The following COL26A1 variants were observed in gnomAD, a reference collection of about 807,000 sequenced individuals.
COL26A1 encodes the protein collagen alpha-1(XXVI) chain.
A neutral mutation model predicts 59.3 loss-of-function variants in COL26A1; 41 were observed. The observed-to-expected ratio is 0.69, with a 90% CI of 0.54 to 0.90. COL26A1 has a LOEUF of 0.90. Ranked by LOEUF, COL26A1 falls within the 40% of genes least tolerant of loss-of-function variation. The pLI is 0.00. For synonymous variants in COL26A1, 266 were observed against 256.0 expected (o/e 1.04, Z -0.37); for missense variants, 612 against 602.3 (o/e 1.02, Z -0.17).
intron 3 of COL26A1, among the ~76,000 whole-genome samples, chr7:101,502,405 CG>C (rs1794724730): frequency 6.6e-6 from 1 of 152,212 alleles, no homozygotes; most frequent in Non-Finnish European, 1.5e-5. Flanking sequence ...AAAATACACA[CG>C]GAATATATTG....
intron 3 of COL26A1, among the ~76,000 whole-genome samples, chr7:101,489,662 T>TA (rs1261017743): frequency 1.9e-5 from 1 of 53,726 alleles, no homozygotes; most frequent in African/African-American, 2.0e-4. Flanking sequence ...TCTTTCTTTC[T>TA]TCCTTCCTTC....
At chr7:101,429,787 A>G (rs2130312436) in intron 2 of COL26A1, among the ~76,000 whole-genome samples, 1 of 151,760 alleles carries the variant, frequency 6.6e-6, no homozygotes, top group East Asian at 1.9e-4. Context: ...TTGTAGAGAT[A>G]GGATCTTGCT....
chr7:101,434,067 TCCC>T (rs1792846745), intron 2 of COL26A1, among the ~76,000 whole-genome samples: 8 of 49,468 alleles, frequency 1.6e-4, no homozygotes, highest in Admixed American at 2.5e-4. Context: ...CCTCCCTCCC[TCCC>T]TCCCTCCCTC....
intron 3 of COL26A1, among the ~76,000 whole-genome samples, chr7:101,487,718 C>T (rs902295669): frequency 3.3e-5 from 5 of 152,162 alleles, no homozygotes; most frequent in African/African-American, 1.2e-4. Flanking sequence ...CCAGCCAGCC[C>T]TGTGGTTGGC....
At chr7:101,527,284 TA>T (rs1795267673) in intron 3 of COL26A1, among the ~76,000 whole-genome samples, 1 of 152,120 alleles carries the variant, frequency 6.6e-6, no homozygotes. Flanking sequence ...TCTCTCTCTC[TA>T]TGTCTCTGTC....
At position 101,447,729 on chromosome 7, in the gene COL26A1, G is replaced by A. The variant is rs375184069; in HGVS notation, c.327G>A (p.Thr109=). The A allele has an allele frequency of 4.4e-5, 71 of 1,607,120 alleles. No individual in the cohort carries two copies. Among genetic ancestry groups the A allele is most frequent in the Non-Finnish European group, 5.0e-5 (59 of 1,177,020 alleles). ...IRPTYRVSYR[T]VTVLEWRCCP... ...CCACCTACAGAGTGTCCTACCGCAC[G>A]GTGACGGTGCTGGAGTGGAGATGCT... The change falls in exon 3 of 13, where the codon ACG becomes ACA. Residue 109 remains threonine (T), a synonymous_variant. Transcript: ENST00000313669.
intron 3 of COL26A1, among the ~76,000 whole-genome samples, chr7:101,462,426 C>T (rs1793638021): frequency 6.6e-6 from 1 of 152,132 alleles, no homozygotes; most frequent in South Asian, 2.1e-4. Flanking sequence ...AAGCAATTCT[C>T]CTGCCTCAGC....
At chr7:101,466,961 C>T (rs376946585) in intron 3 of COL26A1, among the ~76,000 whole-genome samples, 63 of 151,980 alleles carry the variant, frequency 4.1e-4, no homozygotes, top group African/African-American at 1.4e-3. Flanking sequence ...TTGCTGCCAG[C>T]GCTGGGAGCC....
chr7:101,378,397 C>T (rs895975538), intron 1 of COL26A1, among the ~76,000 whole-genome samples: 1 of 152,134 alleles, frequency 6.6e-6, no homozygotes, highest in Non-Finnish European at 1.5e-5. Flanking sequence ...CCACTTTTAT[C>T]ATATACTAAA....
intron 1 of COL26A1, among the ~76,000 whole-genome samples, chr7:101,382,911 G>A (rs1791480045): frequency 6.6e-6 from 1 of 152,134 alleles, no homozygotes; most frequent in Admixed American, 6.5e-5. Context: ...GCGTGGTGAT[G>A]TATGCCTGTA....
At chr7:101,419,551 T>C (rs1792461961) in intron 1 of COL26A1, among the ~76,000 whole-genome samples, 1 of 152,050 alleles carries the variant, frequency 6.6e-6, no homozygotes, top group African/African-American at 2.4e-5. Context: ...GGTTGGTCGG[T>C]TGGCTAACTT....
chr7:101,545,242 C>T (rs1795707846), intron 6 of COL26A1, 96 bp from the exon 7 acceptor site: 1 of 1,198,350 alleles, frequency 8.3e-7, no homozygotes, highest in Non-Finnish European at 1.1e-6. Context: ...CCCTGACCAA[C>T]CCTGTTTCTT....
At chr7:101,544,981 G>A (rs1795700007) in intron 6 of COL26A1, among the ~76,000 whole-genome samples, 1 of 152,176 alleles carries the variant, frequency 6.6e-6, no homozygotes, top group Non-Finnish European at 1.5e-5. Context: ...GGTTCAGCAG[G>A]TACAGGGCCA....
At chr7:101,391,622 C>T (rs1047540196) in intron 1 of COL26A1, among the ~76,000 whole-genome samples, 6 of 152,200 alleles carry the variant, frequency 3.9e-5, no homozygotes, top group East Asian at 1.9e-4. Context: ...TGCAGTGGCA[C>T]GATCTCAGCT....
intron 1 of COL26A1, among the ~76,000 whole-genome samples, chr7:101,393,564 C>T (rs1002798414): frequency 6.6e-6 from 1 of 152,186 alleles, no homozygotes; most frequent in African/African-American, 2.4e-5. Context: ...AACATCTTCA[C>T]AGACACACCC....
In COL26A1 at chr7:101,558,806, G is replaced by A. The variant is rs1042864614; in HGVS notation, c.*1276G>A. ...GAATTGAAGGTGCTGGCGCCACCCT[G>A]GGGCACTCTGTCTTCACAGCAGGAG... On this transcript the variant is annotated 3_prime_UTR_variant, in exon 13 of 13. Coordinates refer to ENST00000313669, the MANE Select transcript of COL26A1 (RefSeq NM_001278563.3). 2 of 152,260 alleles carry A rather than the reference G, an allele frequency of 1.3e-5. No homozygotes were observed. Among genetic ancestry groups the A allele is most frequent in the African/African-American group, 4.8e-5 (2 of 41,434 alleles). The allele number at this position is 152,260 out of a possible 1,614,324, so 9.4% of individuals were successfully genotyped here. A position where few individuals can be genotyped will look rare whatever the true frequency, so the allele number is the denominator to read the frequency against.
chr7:101,479,026 T>G (rs919471480), intron 3 of COL26A1, among the ~76,000 whole-genome samples: 3 of 152,240 alleles, frequency 2.0e-5, no homozygotes, highest in Non-Finnish European at 4.4e-5. Context: ...AACAGATATA[T>G]TGCTTCTGCT....
intron 2 of COL26A1, among the ~76,000 whole-genome samples, chr7:101,422,311 C>CA (rs112095038): frequency 0.3 from 17,447 of 58,914 alleles, 2,001 homozygotes; most frequent in African/African-American, 0.49. Context: ...AACTCCATCT[C>CA]AAAAAAAAAA....
chr7:101,422,069 T>C (rs187277219), intron 2 of COL26A1, among the ~76,000 whole-genome samples: 2 of 152,150 alleles, frequency 1.3e-5, no homozygotes, highest in East Asian at 1.9e-4. Context: ...CCCAGCACTT[T>C]GGGAGGCTGA....
Sources: gnomAD v4.1 joint callset for allele counts (sites outside exome capture counted in the v4.1 genomes callset) on GRCh38, gnomAD v4.1.1 for gene constraint, MANE v1.5 for transcripts, NCBI Gene and HGNC (gene_info 2026-07-23, HGNC 2026-07-21) for gene names.